The following LPCAT1 variants were observed in gnomAD, a reference collection of about 807,000 sequenced individuals.
The protein encoded by LPCAT1 is lysophosphatidylcholine acyltransferase 1, also known as 1-acylglycerol-3-phosphate O-acyltransferase.
A neutral mutation model predicts 60.9 loss-of-function variants in LPCAT1; 23 were observed. The ratio of observed to expected loss-of-function variants is 0.38; its 90% CI spans 0.27 to 0.53. LPCAT1 has a LOEUF of 0.53. Ranked by LOEUF, LPCAT1 falls within the 20% of genes least tolerant of loss-of-function variation. The probability of loss-of-function intolerance (pLI) is 0.82; values close to 1 mark genes in which losing one functional copy is unlikely to be tolerated. For missense variants in LPCAT1, 622 were observed against 723.6 expected (o/e 0.86, Z 1.61); for synonymous variants, 340 against 301.1 (o/e 1.13, Z -1.34).
chr5:1,523,888 G>T lies in LPCAT1; in HGVS notation c.-44C>A. ...CGAGCGCAGCCGAGCTGCCTGGGGC[G>T]CCGAGCGGGGCCGGGGCTAGCTGGG... On this transcript the variant is annotated 5_prime_UTR_variant, in exon 1 of 14. Coordinates refer to ENST00000283415, the MANE Select transcript of LPCAT1 (RefSeq NM_024830.5). This position sits in a 1 kb window ranked among gnomAD's most constrained non-coding sequence, Gnocchi z 7.1. 2 of 1,022,000 alleles carry T rather than the reference G, an allele frequency of 2.0e-6. No homozygotes were observed. The highest frequency in any genetic ancestry group is 2.3e-6 in the Non-Finnish European group (2 of 855,454). 63.3% of individuals were successfully genotyped at this position (1,022,000 alleles called of 1,614,324 possible). A position where few individuals can be genotyped will look rare whatever the true frequency, so the allele number is the denominator to read the frequency against.
rs1734435728 is a variant in LPCAT1 at position 1,466,908 on chromosome 5, T to C, written c.1279-18A>G. 6.5e-7 allele frequency: 1 copy of C among 1,547,160 alleles called. No homozygotes were observed. The highest frequency in any genetic ancestry group is 1.8e-5 in the Admixed American group (1 of 55,910). ...CCGTACATCTGCAAGGCAAACTGGG[T>C]GTCACCTTGCAGCCTCCTCCCCTGC... On this transcript the variant is annotated intron_variant, in intron 12 of 13. Transcript: ENST00000283415.
At chr5:1,467,162 T>A in intron 12 of LPCAT1, 1 of 364,144 alleles carries the variant, frequency 2.7e-6, no homozygotes, top group Non-Finnish European at 4.9e-6. Flanking sequence ...CCGTGATAGC[T>A]CAGCAAACCA....
At chr5:1,465,583 GCA>G (rs1183243452) in intron 13 of LPCAT1, among the ~76,000 whole-genome samples, 2 of 140,470 alleles carry the variant, frequency 1.4e-5, no homozygotes, top group Admixed American at 7.0e-5. Context: ...ACAAGTGCAC[GCA>G]CACACACGCA....
chr5:1,501,282 G>T (rs1735992883), intron 2 of LPCAT1, among the ~76,000 whole-genome samples, 179 bp downstream of exon 2: 1 of 152,164 alleles, frequency 6.6e-6, no homozygotes, highest in African/African-American at 2.4e-5. Flanking sequence ...GAAGACAGAG[G>T]CAACGGGGAG....
At chr5:1,465,983 G>A (rs1734381348) in intron 13 of LPCAT1, among the ~76,000 whole-genome samples, 1 of 151,822 alleles carries the variant, frequency 6.6e-6, no homozygotes, top group Non-Finnish European at 1.5e-5. Context: ...TCCCGCCTCC[G>A]GCTCCCGCAC....
At chr5:1,475,736 G>A (rs796805230) in intron 9 of LPCAT1, among the ~76,000 whole-genome samples, 8 of 152,180 alleles carry the variant, frequency 5.3e-5, no homozygotes, top group African/African-American at 1.7e-4. Flanking sequence ...TCCACTCCCC[G>A]AGTGGGGCTG....
rs1735769965 is a variant in LPCAT1, at chr5:1,495,843, C to T, written c.279-929G>A. ...ACAGATGATCCTCCCAGAAGACTTCCAGGACAGGGGTCCCCATGGATCTGA... is the reference window on the plus strand; with the variant it reads ...ACAGATGATCCTCCCAGAAGACTTCTAGGACAGGGGTCCCCATGGATCTGA... On this transcript the variant is annotated intron_variant, in intron 2 of 13. Coordinates refer to ENST00000283415, the MANE Select transcript of LPCAT1 (RefSeq NM_024830.5). This position sits in a 1 kb window ranked among gnomAD's most constrained non-coding sequence, Gnocchi z 4.7. 6.6e-6 allele frequency among the ~76,000 whole-genome samples: 1 copy of T among 152,206 alleles called. No homozygotes were observed. Among genetic ancestry groups the T allele is most frequent in the African/African-American group, 2.4e-5 (1 of 41,462 alleles).
chr5:1,503,625 T>C (rs1736094930), intron 1 of LPCAT1, among the ~76,000 whole-genome samples: 1 of 152,234 alleles, frequency 6.6e-6, no homozygotes, highest in African/African-American at 2.4e-5. Flanking sequence ...TGTCACTTCC[T>C]CCCAGCGGCT....
chr5:1,517,154 A>G (rs1248514740), intron 1 of LPCAT1, among the ~76,000 whole-genome samples: 1 of 152,248 alleles, frequency 6.6e-6, no homozygotes, highest in Non-Finnish European at 1.5e-5. Context: ...TGCTGGAAAC[A>G]GTAACCGGGA....
intron 1 of LPCAT1, among the ~76,000 whole-genome samples, chr5:1,507,142 C>A (rs1386607684): frequency 6.6e-6 from 1 of 152,176 alleles, no homozygotes; most frequent in Non-Finnish European, 1.5e-5. Context: ...ACGGACCACG[C>A]TCCTGGTCAC....
chr5:1,523,812 G>T lies in LPCAT1; in HGVS notation c.33C>A (p.Ala11=), dbSNP rs1736750641. The change falls in exon 1 of 14, where the codon GCC becomes GCA. Residue 11 remains alanine, a synonymous_variant. Transcript: ENST00000283415. The surrounding 1 kb of genome is among the most constrained non-coding windows in gnomAD (Gnocchi z 7.1). The stretch of plus-strand genomic sequence containing the variant: ...CGCTGGCCCCTGCGCTGGAGGCAGG[G>T]GCGGCCCGGGGTCCGCATCCCCGCA... MRLRGCGPRA[A]PASSAGASDA... is the part of the protein sequence containing the mutation. 1.8e-6 allele frequency: 2 copies of T among 1,092,696 alleles called. No homozygotes were observed. The highest frequency in any genetic ancestry group is 2.2e-6 in the Non-Finnish European group (2 of 899,534). The allele number at this position is 1,092,696 out of a possible 1,614,324, so 67.7% of individuals were successfully genotyped here.
rs552048445 is a variant in LPCAT1 at position 1,483,928 on chromosome 5, G to A, written c.668-442C>T. ...CATCCGTGGAGGGACACTTTCTGCT[G>A]TAACATCGCGCACCAGCTGGAAGGC... On this transcript the variant is annotated intron_variant, in intron 5 of 13. Transcript: ENST00000283415. The surrounding 1 kb of genome is among the most constrained non-coding windows in gnomAD (Gnocchi z 9.2). Among the ~76,000 whole-genome samples the A allele has an allele frequency of 8.4e-4, 127 of 151,530 alleles. 1 individual carries two copies. In the South Asian group the frequency reaches 0.024, roughly 28 times the overall value.
chr5:1,505,658 G>A (rs1238706231), intron 1 of LPCAT1, among the ~76,000 whole-genome samples: 1 of 152,188 alleles, frequency 6.6e-6, no homozygotes, highest in Non-Finnish European at 1.5e-5. Context: ...CTCGGCTCGC[G>A]CACCCCCACG....
intron 2 of LPCAT1, 84 bp from the exon 3 acceptor site, chr5:1,494,998 A>G: frequency 1.5e-6 from 2 of 1,307,780 alleles, no homozygotes; most frequent in Non-Finnish European, 2.1e-6. Context: ...CCCACGGGAG[A>G]GCCCTCCAGG....
In LPCAT1 at chr5:1,463,405, C is replaced by T. The variant is rs1734186947; in HGVS notation, c.*246G>A. On this transcript the variant is annotated 3_prime_UTR_variant, in exon 14 of 14. Transcript: ENST00000283415. ...CCCCGCCCGGCAGGGAACCTGACCC[C>T]ACGGGGTCCAGGCCAGGCGGGGGAT... 1 of 506,510 alleles carries T rather than the reference C, an allele frequency of 2.0e-6. No individual in the cohort carries two copies. The highest frequency in any genetic ancestry group is 2.0e-5 in the African/African-American group (1 of 51,090). The allele number at this position is 506,510 out of a possible 1,614,324, so 31.4% of individuals were successfully genotyped here. A position where few individuals can be genotyped will look rare whatever the true frequency, so the allele number is the denominator to read the frequency against.
intron 1 of LPCAT1, among the ~76,000 whole-genome samples, chr5:1,508,385 TAGAG>T (rs949640542): frequency 2.6e-5 from 4 of 152,108 alleles, no homozygotes; most frequent in Non-Finnish European, 4.4e-5. Context: ...AAGGGGCTGT[TAGAG>T]AGGTGACGAA....
chr5:1,495,390 T>C lies in LPCAT1; in HGVS notation c.279-476A>G, dbSNP rs1269034895. Among the ~76,000 whole-genome samples the C allele has an allele frequency of 6.6e-6, 1 of 151,456 alleles. No individual in the cohort carries two copies. The highest frequency in any genetic ancestry group is 1.5e-5 in the Non-Finnish European group (1 of 67,850). On this transcript the variant is annotated intron_variant, in intron 2 of 13. Coordinates refer to ENST00000283415, the MANE Select transcript of LPCAT1 (RefSeq NM_024830.5). The surrounding 1 kb of genome is among the most constrained non-coding windows in gnomAD (Gnocchi z 4.7). ...TGAGACCTGCGTGCGAACTTCCCCATCTCATCTCCACAGGAAGCCCGGGGT... is the reference window on the plus strand; with the variant it reads ...TGAGACCTGCGTGCGAACTTCCCCACCTCATCTCCACAGGAAGCCCGGGGT...
chr5:1,490,338 T>A (rs1024529300), intron 3 of LPCAT1, among the ~76,000 whole-genome samples: 1 of 152,124 alleles, frequency 6.6e-6, no homozygotes, highest in Non-Finnish European at 1.5e-5. Flanking sequence ...TAGCAGATGC[T>A]CAAGGTCCCG....
chr5:1,492,326 G>A (rs981341833), intron 3 of LPCAT1, among the ~76,000 whole-genome samples: 3 of 151,820 alleles, frequency 2.0e-5, no homozygotes, highest in Non-Finnish European at 2.9e-5. Flanking sequence ...TCTCTGAGCT[G>A]GGGCCTGGGG....
Sources: gnomAD v4.1 joint callset for allele counts (sites outside exome capture counted in the v4.1 genomes callset) on GRCh38, gnomAD v4.1.1 for gene constraint, Gnocchi (gnomAD v3.1) non-coding constraint, MANE v1.5 for transcripts, NCBI Gene and HGNC (gene_info 2026-07-23, HGNC 2026-07-21) for gene names.